The following HERC3 variants were observed in gnomAD, a reference collection of about 807,000 sequenced individuals.
The protein encoded by HERC3 is probable E3 ubiquitin-protein ligase HERC3.
HERC3 carries 58 observed loss-of-function variants against 129.9 expected under a neutral mutation model. That is an observed-to-expected ratio of 0.45 (90% CI 0.36 to 0.56). The LOEUF (loss-of-function observed/expected upper bound fraction) is 0.56. Ranked by LOEUF, HERC3 falls within the 20% of genes least tolerant of loss-of-function variation. HERC3 has a pLI of 0.00. For missense variants in HERC3, 835 were observed against 1,244.2 expected (o/e 0.67, Z 4.95); for synonymous variants, 430 against 451.0 (o/e 0.95, Z 0.59).
At chr4:88,580,608 G>A in the HERC3 span, among the ~76,000 whole-genome samples, 1 of 152,122 alleles carries the variant, frequency 6.6e-6, no homozygotes, top group Non-Finnish European at 1.5e-5. Context: ...TCAAGAGTAG[G>A]CACCCAAAAT....
At chr4:88,627,522 G>A (rs1354255142) in intron 3 of HERC3, among the ~76,000 whole-genome samples, 1 of 152,132 alleles carries the variant, frequency 6.6e-6, no homozygotes, top group Non-Finnish European at 1.5e-5. Flanking sequence ...GAGCATCTAT[G>A]GATTTTGGTA....
At position 88,669,044 on chromosome 4, in the gene HERC3, AG is replaced by A. The variant is rs1731336393; in HGVS notation, c.1634-814del. Among the ~76,000 whole-genome samples, 4 of 152,248 alleles carry A rather than the reference AG, an allele frequency of 2.6e-5. No homozygotes were observed. The South Asian group carries it at 8.3e-4, about 32-fold the overall frequency. On this transcript the variant is annotated intron_variant, in intron 14 of 25. Transcript: ENST00000402738. The stretch of plus-strand genomic sequence containing the variant: ...AGAGTTTTTTCATTTTTATTTTTCC[AG>A]GCTGGAAAATACAAAGAGAACATAA...
intron 23 of HERC3, among the ~76,000 whole-genome samples, chr4:88,701,947 C>T (rs1227931734): frequency 2.0e-5 from 3 of 151,964 alleles, no homozygotes; most frequent in Non-Finnish European, 4.4e-5. Flanking sequence ...GGACTACAGG[C>T]ATGCACCACC....
chr4:88,677,881 C>T (rs754786814), intron 18 of HERC3, 83 bp from the exon 19 acceptor site: 10 of 1,284,052 alleles, frequency 7.8e-6, no homozygotes, highest in Admixed American at 2.0e-5. Flanking sequence ...AGTCAGCGCC[C>T]CCAAGTCCAG....
intron 23 of HERC3, among the ~76,000 whole-genome samples, chr4:88,689,288 T>A (rs552590842): frequency 6.6e-6 from 1 of 151,612 alleles, no homozygotes; most frequent in South Asian, 2.1e-4. Flanking sequence ...GTGAATTGCT[T>A]GAGCTCAGAA....
intron 3 of HERC3, among the ~76,000 whole-genome samples, chr4:88,646,009 T>A (rs562044000): frequency 6.6e-6 from 1 of 152,328 alleles, no homozygotes; most frequent in Admixed American, 6.5e-5. Flanking sequence ...ATTTAAAATC[T>A]ATCTAATTCT....
At chr4:88,617,667 C>G (rs191457570) in intron 3 of HERC3, among the ~76,000 whole-genome samples, 1 of 151,940 alleles carries the variant, frequency 6.6e-6, no homozygotes, top group Non-Finnish European at 1.5e-5. Flanking sequence ...GTCAGGAGAT[C>G]GAGACCATCC....
intron 3 of HERC3, among the ~76,000 whole-genome samples, chr4:88,627,886 A>C (rs1726292746): frequency 6.7e-6 from 1 of 148,610 alleles, no homozygotes; most frequent in South Asian, 2.2e-4. Flanking sequence ...CTTGGGCAAC[A>C]AAAGCGAAAC....
At chr4:88,651,977 T>C (rs761863880) in intron 4 of HERC3, 35 bp from the exon 5 acceptor site, 46 of 1,323,646 alleles carry the variant, frequency 3.5e-5, no homozygotes, top group Non-Finnish European at 4.8e-5. Context: ...TGTGTGTGAA[T>C]ATCTATCTGA....
intron 2 of HERC3, among the ~76,000 whole-genome samples, chr4:88,597,124 T>G (rs2149173031): frequency 6.6e-6 from 1 of 152,360 alleles, no homozygotes; most frequent in Admixed American, 6.5e-5. Context: ...ATGAACATTC[T>G]TATACGTGTA....
chr4:88,704,304 C>T (rs1021260344), intron 24 of HERC3, 23 bp downstream of exon 24: 2 of 1,609,382 alleles, frequency 1.2e-6, no homozygotes, highest in Non-Finnish European at 8.5e-7. Flanking sequence ...GATCCTTTAA[C>T]TCCTTTAACT....
intron 3 of HERC3, among the ~76,000 whole-genome samples, chr4:88,625,103 A>G (rs1226760549): frequency 6.6e-6 from 1 of 152,138 alleles, no homozygotes; most frequent in African/African-American, 2.4e-5. Context: ...TTTATAGTAA[A>G]TCTTGGAAGT....
chr4:88,643,491 A>G (rs1273283899), intron 3 of HERC3, among the ~76,000 whole-genome samples: 1 of 152,228 alleles, frequency 6.6e-6, no homozygotes, highest in Non-Finnish European at 1.5e-5. Context: ...AAGGCTTACT[A>G]TAGAGGTATA....
chr4:88,653,835 G>A (rs1729552488), intron 6 of HERC3, among the ~76,000 whole-genome samples: 1 of 152,206 alleles, frequency 6.6e-6, no homozygotes, highest in Non-Finnish European at 1.5e-5. Flanking sequence ...CTGGAGAGTG[G>A]GCAGGGTTGG....
chr4:88,539,079 G>A, the HERC3 span, among the ~76,000 whole-genome samples: 14 of 152,300 alleles, frequency 9.2e-5, 1 homozygote, highest in South Asian at 2.7e-3. Context: ...TGGGCAGTGG[G>A]TGCAACACAC....
the HERC3 span, among the ~76,000 whole-genome samples, chr4:88,526,556 A>G: frequency 1.3e-5 from 2 of 152,002 alleles, no homozygotes; most frequent in South Asian, 4.1e-4. Context: ...TATTTTCTTG[A>G]GACAGATTCT....
At chr4:88,601,149 A>C (rs772447479) in intron 2 of HERC3, among the ~76,000 whole-genome samples, 4 of 152,240 alleles carry the variant, frequency 2.6e-5, no homozygotes, top group South Asian at 2.1e-4. Flanking sequence ...ACAAGGAATA[A>C]AAATCTTGGG....
At chr4:88,591,458 T>C (rs1396300322), upstream of HERC3, among the ~76,000 whole-genome samples, 1 of 152,162 alleles carries the variant, frequency 6.6e-6, no homozygotes. Flanking sequence ...CTGAGGTGAT[T>C]TGAATGTCCT....
chr4:88,580,085 G>A, the HERC3 span, among the ~76,000 whole-genome samples: 1 of 152,088 alleles, frequency 6.6e-6, no homozygotes, highest in South Asian at 2.1e-4. Flanking sequence ...TGTTACAGCA[G>A]CAATAGGAAA....
Sources: allele counts gnomAD v4.1 joint callset (sites outside exome capture counted in the v4.1 genomes callset), GRCh38; gene constraint gnomAD v4.1.1; transcripts MANE v1.5; gene names NCBI Gene and HGNC (gene_info 2026-07-23, HGNC 2026-07-21).